LY6K: variants seen among roughly 807,000 people sequenced by gnomAD.
LY6K encodes lymphocyte antigen 6 family member K.
A neutral mutation model predicts 10.4 loss-of-function variants in LY6K; 9 were observed. The ratio of observed to expected loss-of-function variants is 0.87; its 90% CI spans 0.52 to 1.52. The LOEUF (loss-of-function observed/expected upper bound fraction) is 1.52, where lower values mean the gene tolerates loss of function less well. LY6K is among the 40% of genes most tolerant of loss of function. The pLI is 0.00. For synonymous variants in LY6K, 98 were observed against 83.7 expected (o/e 1.17, Z -0.94); for missense variants, 217 against 211.7 (o/e 1.02, Z -0.15).
At position 142,703,138 on chromosome 8, in the gene LY6K, T is replaced by C. The variant is rs782187416; in HGVS notation, c.265T>C (p.Cys89Arg). The change falls in exon 3 of 3, where the codon TGT becomes CGT. Residue 89 changes from cysteine to arginine, a missense_variant. Coordinates refer to ENST00000292430, the MANE Select transcript of LY6K (RefSeq NM_017527.4). Reference protein sequence around the residue: ...FMVAKQCSAGCAAMERPKPEE... With the variant: ...FMVAKQCSAGRAAMERPKPEE... ...GGTTGCGAAGCAGTGCTCCGCTGGT[T>C]GTGCAGCGATGGAGAGACCCAAGCC... 14 of 1,614,264 alleles carry C rather than the reference T, an allele frequency of 8.7e-6. No individual in the cohort carries two copies. Among genetic ancestry groups the C allele is most frequent in the Non-Finnish European group, 1.2e-5 (14 of 1,180,044 alleles).
chr8:142,702,581 G>A, intron 2 of LY6K: 1 of 1,535,660 alleles, frequency 6.5e-7, no homozygotes, highest in Non-Finnish European at 8.7e-7. Context: ...TTGGTGGGGT[G>A]CTGAGGTGAT....
At position 142,700,548 on chromosome 8, in the gene LY6K, G is replaced by T; in HGVS notation, c.21G>T (p.Leu7=). 6.3e-7 allele frequency: 1 copy of T among 1,586,474 alleles called. No individual in the cohort carries two copies. The highest frequency in any genetic ancestry group is 8.6e-7 in the Non-Finnish European group (1 of 1,168,582). The part of the protein sequence containing the change: MALLAL[L]LVVALPRVWT... ...GGACGATGGCGCTGCTCGCCTTGCTGCTGGTCGTGGCCCTACCGCGGGTGT... is the reference window on the plus strand; with the variant it reads ...GGACGATGGCGCTGCTCGCCTTGCTTCTGGTCGTGGCCCTACCGCGGGTGT... The change falls in exon 1 of 3, where the codon CTG becomes CTT. Residue 7 remains leucine, a synonymous_variant. Coordinates refer to ENST00000292430, the MANE Select transcript of LY6K (RefSeq NM_017527.4).
chr8:142,702,362 G>A (rs1390868329), intron 2 of LY6K: 1 of 757,144 alleles, frequency 1.3e-6, no homozygotes, highest in African/African-American at 1.7e-5. Context: ...CAGCCTTCAA[G>A]TGTGTTCTCA....
At chr8:142,702,095 C>T (rs1439773870) in intron 2 of LY6K, 14 of 289,778 alleles carry the variant, frequency 4.8e-5, no homozygotes, top group Admixed American at 1.4e-4. Context: ...AAGCGTAAGC[C>T]ACCGCGCCCT....
Position 142,700,409 on chromosome 8 carries a change from G to T in LY6K, c.-119G>T. 1.5e-6 allele frequency: 2 copies of T among 1,352,742 alleles called. No homozygotes were observed. Among genetic ancestry groups the T allele is most frequent in the Non-Finnish European group, 1.9e-6 (2 of 1,054,414 alleles). 83.8% of individuals were successfully genotyped at this position (1,352,742 alleles called of 1,614,324 possible). ...GCGGGTGGGAGGCGCGCGCCCCGGG[G>T]CGGGCGGGGCTCCCCCTACCGGCCA... On this transcript the variant is annotated 5_prime_UTR_variant, in exon 1 of 3. Transcript: ENST00000292430.
intron 2 of LY6K, 77 bp from the exon 3 acceptor site, chr8:142,703,014 T>G (rs1815100009): frequency 6.3e-7 from 1 of 1,589,876 alleles, no homozygotes; most frequent in South Asian, 1.1e-5. Flanking sequence ...GGTGAGGCTT[T>G]GACCCAGACA....
At chr8:142,702,337 C>A in intron 2 of LY6K, 1 of 638,110 alleles carries the variant, frequency 1.6e-6, no homozygotes. Flanking sequence ...AAGAGATGCA[C>A]AAAACCAAGG....
rs1220636765 is a variant in LY6K, at chr8:142,704,070, A to C, written c.*699A>C. ...GAGAGCATCAGGGTAAATGGCGTTC[A>C]TTTCTCTGTTAAGATGCAGCCATCC... On this transcript the variant is annotated 3_prime_UTR_variant, in exon 3 of 3. Coordinates refer to ENST00000292430, the MANE Select transcript of LY6K (RefSeq NM_017527.4). 1.3e-5 allele frequency: 2 copies of C among 152,222 alleles called. No homozygotes were observed. The highest frequency in any genetic ancestry group is 2.9e-5 in the Non-Finnish European group (2 of 68,032). The allele number at this position is 152,222 out of a possible 1,614,324, so 9.4% of individuals were successfully genotyped here.
intron 1 of LY6K, 140 bp from the exon 2 acceptor site, chr8:142,701,460 G>A: frequency 1.6e-6 from 1 of 644,882 alleles, no homozygotes; most frequent in Non-Finnish European, 2.8e-6. Flanking sequence ...CGGCTCACTC[G>A]AGTCATGTGG....
intron 1 of LY6K, 57 bp downstream of exon 1, chr8:142,700,687 C>G: frequency 2.2e-6 from 3 of 1,371,328 alleles, no homozygotes; most frequent in Non-Finnish European, 2.8e-6. Context: ...CGGGCGGCGT[C>G]TGCCTGGCAC....
chr8:142,702,439 C>G, intron 2 of LY6K: 1 of 1,507,684 alleles, frequency 6.6e-7, no homozygotes, highest in South Asian at 1.2e-5. Flanking sequence ...CCCTGAAAAC[C>G]TCTGGGTACA....
At chr8:142,700,668 G>T in intron 1 of LY6K, 38 bp downstream of exon 1, 1 of 1,430,606 alleles carries the variant, frequency 7.0e-7, no homozygotes, top group South Asian at 1.5e-5. Context: ...CGGGCCGAGA[G>T]GACAGGGCCG....
At chr8:142,702,885 T>C in intron 2 of LY6K, 1 of 1,548,766 alleles carries the variant, frequency 6.5e-7, no homozygotes, top group Non-Finnish European at 8.7e-7. Context: ...GGACAGGCCA[T>C]ACCACGCAGA....
rs375943074 is a variant in LY6K, at chr8:142,700,581, C to T, written c.54C>T (p.Asp18=). The change falls in exon 1 of 3, where the codon GAC becomes GAT. Residue 18 remains aspartate, a synonymous_variant. Coordinates refer to ENST00000292430, the MANE Select transcript of LY6K (RefSeq NM_017527.4). ...LVVALPRVWT[D]ANLTARQRDP... is the part of the protein sequence containing the mutation. ...TGGCCCTACCGCGGGTGTGGACAGA[C>T]GCCAACCTGACTGCGAGACAACGAG... The T allele has an allele frequency of 3.2e-6, 5 of 1,580,778 alleles. No homozygotes were observed. The South Asian group carries it at 3.4e-5, about 11-fold the overall frequency.
chr8:142,700,457 G>A lies in LY6K; in HGVS notation c.-71G>A. 6.7e-7 allele frequency: 1 copy of A among 1,501,654 alleles called. No individual in the cohort carries two copies. The highest frequency in any genetic ancestry group is 8.9e-7 in the Non-Finnish European group (1 of 1,126,616). The allele number at this position is 1,501,654 out of a possible 1,614,324, so 93.0% of individuals were successfully genotyped here. ...CCAGACCCGGGGAGAGGCGCGCGGAGGCTGCGAAGGTTCCAGAAGGGCGGG... is the reference window on the plus strand; with the variant it reads ...CCAGACCCGGGGAGAGGCGCGCGGAAGCTGCGAAGGTTCCAGAAGGGCGGG... On this transcript the variant is annotated 5_prime_UTR_variant, in exon 1 of 3. Coordinates refer to ENST00000292430, the MANE Select transcript of LY6K (RefSeq NM_017527.4).
chr8:142,701,913 G>A (rs908758111), intron 2 of LY6K, 200 bp downstream of exon 2: 10 of 505,966 alleles, frequency 2.0e-5, no homozygotes, highest in Middle Eastern at 5.3e-4. Context: ...GGGTTCAAGC[G>A]ATTCTCCTGC....
intron 1 of LY6K, 137 bp downstream of exon 1, chr8:142,700,767 C>T (rs1814981091): frequency 2.1e-6 from 2 of 938,120 alleles, no homozygotes; most frequent in South Asian, 2.7e-5. Context: ...CTGGAAGCCT[C>T]TGGGGAGCCT....
chr8:142,700,538 T>G lies in LY6K; in HGVS notation c.11T>G (p.Leu4Arg). ...GCACCGCTGGGGACGATGGCGCTGC[T>G]CGCCTTGCTGCTGGTCGTGGCCCTA... MAL[L>R]ALLLVVALPR... Residue 4 changes from leucine to arginine, a missense_variant, in exon 1 of 3, where the codon CTC (leucine) becomes CGC (arginine). Leu to Arg is a moderately radical substitution (Grantham distance 102). Coordinates refer to ENST00000292430, the MANE Select transcript of LY6K (RefSeq NM_017527.4). 1 of 1,582,136 alleles carries G rather than the reference T, an allele frequency of 6.3e-7. No individual in the cohort carries two copies. The highest frequency in any genetic ancestry group is 8.6e-7 in the Non-Finnish European group (1 of 1,166,454).
chr8:142,703,547 A>G lies in LY6K; in HGVS notation c.*176A>G. The G allele has an allele frequency of 1.5e-6, 1 of 676,992 alleles. No individual in the cohort carries two copies. The highest frequency in any genetic ancestry group is 2.4e-6 in the Non-Finnish European group (1 of 415,986). The allele number at this position is 676,992 out of a possible 1,614,324, so 41.9% of individuals were successfully genotyped here. ...GCTCTTAACCCTCAAGGGTTCTTTA[A>G]CTCACATTCAGAGGAAGTCCAGATC... On this transcript the variant is annotated 3_prime_UTR_variant, in exon 3 of 3. Coordinates refer to ENST00000292430, the MANE Select transcript of LY6K (RefSeq NM_017527.4).
Sources: gnomAD v4.1 joint callset for allele counts on GRCh38, gnomAD v4.1.1 for gene constraint, MANE v1.5 for transcripts, NCBI Gene and HGNC (gene_info 2026-07-23, HGNC 2026-07-21) for gene names.